The following SH3BGRL2 variants were observed in gnomAD, a reference collection of about 807,000 sequenced individuals.
The protein encoded by SH3BGRL2 is SH3 domain-binding glutamic acid-rich-like protein 2.
A neutral mutation model predicts 14.8 loss-of-function variants in SH3BGRL2; 21 were observed. The observed-to-expected ratio is 1.42, with a 90% CI of 1.01 to 2.05. The LOEUF (loss-of-function observed/expected upper bound fraction) is 2.05. Ranked by LOEUF, SH3BGRL2 falls within the 30% of genes most tolerant of loss-of-function variation. The probability of loss-of-function intolerance (pLI) is 0.00; values close to 1 mark genes in which losing one functional copy is unlikely to be tolerated. For missense variants in SH3BGRL2, 147 were observed against 130.8 expected, an observed-to-expected ratio of 1.12 and a Z score of -0.61; for synonymous variants, 50 against 47.8, an observed-to-expected ratio of 1.05 and a Z score of -0.19.
the SH3BGRL2 span, among the ~76,000 whole-genome samples, chr6:79,558,408 CATATA>C: frequency 6.6e-6 from 1 of 152,056 alleles, no homozygotes; most frequent in Non-Finnish European, 1.5e-5. Flanking sequence ...ATAAATATAT[CATATA>C]AATATAATTT....
intron 2 of SH3BGRL2, among the ~76,000 whole-genome samples, chr6:79,675,462 G>T (rs1369779606): frequency 6.6e-6 from 1 of 151,992 alleles, no homozygotes; most frequent in Non-Finnish European, 1.5e-5. Flanking sequence ...CATTCATTGT[G>T]CTGAGTGCTC....
At chr6:79,598,995 C>A in the SH3BGRL2 span, among the ~76,000 whole-genome samples, 174 of 150,404 alleles carry the variant, frequency 1.2e-3, no homozygotes, top group African/African-American at 3.9e-3. Context: ...GCAGGAGAAT[C>A]GCTTGAACCT....
At chr6:79,555,062 G>T in the SH3BGRL2 span, among the ~76,000 whole-genome samples, 5 of 152,050 alleles carry the variant, frequency 3.3e-5, no homozygotes, top group African/African-American at 9.7e-5. Context: ...CATATCCCTA[G>T]AAAGGAAAAC....
chr6:79,581,497 A>G, the SH3BGRL2 span, among the ~76,000 whole-genome samples: 2 of 152,222 alleles, frequency 1.3e-5, no homozygotes, highest in South Asian at 2.1e-4. Context: ...ACGCAAATCA[A>G]TAAACGTAAT....
chr6:79,699,043 T>C (rs1349175335), intron 3 of SH3BGRL2, among the ~76,000 whole-genome samples: 1 of 151,660 alleles, frequency 6.6e-6, no homozygotes, highest in Non-Finnish European at 1.5e-5. Context: ...AGATGTCAGC[T>C]CTTTATCCAT....
intron 1 of SH3BGRL2, among the ~76,000 whole-genome samples, chr6:79,636,359 C>T (rs1359487302): frequency 6.6e-6 from 1 of 151,954 alleles, no homozygotes; most frequent in Admixed American, 6.6e-5. Flanking sequence ...AGAGAACTGC[C>T]CTATCCAAAA....
chr6:79,680,904 G>A (rs894022860), intron 2 of SH3BGRL2, among the ~76,000 whole-genome samples: 1 of 151,960 alleles, frequency 6.6e-6, no homozygotes, highest in African/African-American at 2.4e-5. Context: ...ATTTTTTTGT[G>A]TGTTGATTTT....
chr6:79,676,637 GTGTATA>G (rs758732386), intron 2 of SH3BGRL2, among the ~76,000 whole-genome samples: 4,340 of 130,826 alleles, frequency 0.033, 95 homozygotes, highest in Non-Finnish European at 0.051. Context: ...GTGTGTGTGT[GTGTATA>G]TATATATAAT....
intron 1 of SH3BGRL2, among the ~76,000 whole-genome samples, chr6:79,642,964 T>C (rs1383956184): frequency 6.6e-6 from 1 of 152,118 alleles, no homozygotes; most frequent in Non-Finnish European, 1.5e-5. Flanking sequence ...AGTAAGGGGC[T>C]TTGTGGAAAA....
chr6:79,684,384 G>GT (rs528135011), intron 2 of SH3BGRL2, among the ~76,000 whole-genome samples: 27 of 151,238 alleles, frequency 1.8e-4, no homozygotes, highest in African/African-American at 3.2e-4. Flanking sequence ...TATCTCATAG[G>GT]TTTTTTTTTA....
chr6:79,587,660 T>C, the SH3BGRL2 span, among the ~76,000 whole-genome samples: 1 of 152,194 alleles, frequency 6.6e-6, no homozygotes, highest in African/African-American at 2.4e-5. Context: ...AAAGACTTTC[T>C]TCTACCCTCT....
the SH3BGRL2 span, among the ~76,000 whole-genome samples, chr6:79,606,514 T>C: frequency 6.6e-6 from 1 of 152,208 alleles, no homozygotes; most frequent in African/African-American, 2.4e-5. Context: ...AGAAAAACTG[T>C]TGGGCCCTTG....
At chr6:79,690,351 A>G (rs1438761872) in intron 2 of SH3BGRL2, among the ~76,000 whole-genome samples, 1 of 152,122 alleles carries the variant, frequency 6.6e-6, no homozygotes, top group Non-Finnish European at 1.5e-5. Context: ...AAGAACAGGG[A>G]CAGCATTTTG....
intron 1 of SH3BGRL2, among the ~76,000 whole-genome samples, chr6:79,636,544 T>C (rs1768926427): frequency 6.6e-6 from 1 of 152,048 alleles, no homozygotes; most frequent in African/African-American, 2.4e-5. Context: ...AAAGTTTGTA[T>C]ATTAGTTCTC....
the SH3BGRL2 span, among the ~76,000 whole-genome samples, chr6:79,590,088 T>G: frequency 6.6e-6 from 1 of 152,004 alleles, no homozygotes; most frequent in Non-Finnish European, 1.5e-5. Flanking sequence ...GTATTTTTTA[T>G]AGTATGAAAG....
the SH3BGRL2 span, among the ~76,000 whole-genome samples, chr6:79,551,576 C>A: frequency 1.1e-4 from 16 of 152,182 alleles, no homozygotes; most frequent in East Asian, 9.7e-4. Flanking sequence ...CCAGCCAAGA[C>A]CAGAAACAGG....
chr6:79,595,290 TAAAAAA>T, the SH3BGRL2 span, among the ~76,000 whole-genome samples: 5 of 143,816 alleles, frequency 3.5e-5, no homozygotes, highest in African/African-American at 1.3e-4. Flanking sequence ...AACATCGTCT[TAAAAAA>T]AAAAAGGAAT....
chr6:79,679,996 T>C (rs1168359692), intron 2 of SH3BGRL2, among the ~76,000 whole-genome samples: 2 of 152,202 alleles, frequency 1.3e-5, no homozygotes, highest in African/African-American at 2.4e-5. Flanking sequence ...TTATCAGCTA[T>C]CTGATTGGCA....
upstream of SH3BGRL2, among the ~76,000 whole-genome samples, chr6:79,629,750 G>T (rs1334465031): frequency 6.6e-6 from 1 of 152,070 alleles, no homozygotes; most frequent in African/African-American, 2.4e-5. Flanking sequence ...AGTGTGTCTT[G>T]TTCTGTCACT....
Sources: gnomAD v4.1 joint callset for allele counts (sites outside exome capture counted in the v4.1 genomes callset) on GRCh38, gnomAD v4.1.1 for gene constraint, MANE v1.5 for transcripts, NCBI Gene and HGNC (gene_info 2026-07-23, HGNC 2026-07-21) for gene names.